Variants in SPOCK1 observed in about 807,000 individuals in gnomAD.
SPOCK1 encodes testican-1.
SPOCK1 carries 23 observed loss-of-function variants against 55.3 expected under a neutral mutation model. The observed-to-expected ratio is 0.42, with a 90% CI of 0.30 to 0.59. The LOEUF is 0.59. Among genes scored for constraint, SPOCK1 ranks in the 20% least tolerant of loss-of-function variants. The pLI, the probability that SPOCK1 is intolerant of heterozygous loss-of-function variation, is 0.22. For synonymous variants in SPOCK1, 226 were observed against 221.0 expected, an observed-to-expected ratio of 1.02 and a Z score of -0.20; for missense variants, 499 against 552.5, an observed-to-expected ratio of 0.90 and a Z score of 0.97.
chr5:137,293,787 C>T (rs1757423050), intron 2 of SPOCK1, among the ~76,000 whole-genome samples: 3 of 152,178 alleles, frequency 2.0e-5, no homozygotes, highest in East Asian at 1.9e-4. Flanking sequence ...GAGGCCGAGG[C>T]GGGTGGATCA....
At chr5:137,303,045 G>T (rs978092118) in intron 2 of SPOCK1, among the ~76,000 whole-genome samples, 1 of 152,186 alleles carries the variant, frequency 6.6e-6, no homozygotes, top group Non-Finnish European at 1.5e-5. Context: ...GTACTTGGCT[G>T]AGACACACAG....
At chr5:137,230,414 C>A (rs1756027924) in intron 3 of SPOCK1, among the ~76,000 whole-genome samples, 1 of 152,136 alleles carries the variant, frequency 6.6e-6, no homozygotes, top group African/African-American at 2.4e-5. Context: ...CCTGGGCTGT[C>A]TATTAAAAAG....
rs1208184921 is a variant in SPOCK1, at chr5:137,217,955, T to G, written c.232+49055A>C. ...TACCCAACCTTACCGCATCTATATT[T>G]CTACATAGGTATAGATGGTTAGAAG... On this transcript the variant is annotated intron_variant, in intron 3 of 10. Coordinates refer to ENST00000394945, the MANE Select transcript of SPOCK1 (RefSeq NM_004598.4). 7.4e-3 allele frequency among the ~76,000 whole-genome samples: 1,122 copies of G among 152,304 alleles called. 14 individuals are homozygous for G. Among genetic ancestry groups the G allele is most frequent in the African/African-American group, 0.025 (1,045 of 41,562 alleles).
chr5:137,136,040 A>G (rs1753977255), intron 4 of SPOCK1, among the ~76,000 whole-genome samples: 1 of 152,248 alleles, frequency 6.6e-6, no homozygotes, highest in Non-Finnish European at 1.5e-5. Flanking sequence ...ATTTTCACTC[A>G]GAGTGACTTG....
At chr5:137,480,013 C>T (rs1229309780) in intron 2 of SPOCK1, among the ~76,000 whole-genome samples, 1 of 152,106 alleles carries the variant, frequency 6.6e-6, no homozygotes, top group African/African-American at 2.4e-5. Flanking sequence ...CCTCAAGCCA[C>T]AAGTCAAGAC....
At chr5:137,457,122 A>G (rs1753383406) in intron 2 of SPOCK1, among the ~76,000 whole-genome samples, 1 of 152,212 alleles carries the variant, frequency 6.6e-6, no homozygotes, top group Non-Finnish European at 1.5e-5. Flanking sequence ...ACTAGCTAAG[A>G]TGAGGCTTCA....
chr5:137,328,676 T>A (rs563122167), intron 2 of SPOCK1, among the ~76,000 whole-genome samples: 1 of 152,268 alleles, frequency 6.6e-6, no homozygotes, highest in East Asian at 1.9e-4. Flanking sequence ...AAAACAATCC[T>A]AAGGAGCAGG....
intron 2 of SPOCK1, among the ~76,000 whole-genome samples, chr5:137,453,306 G>C (rs1249259253): frequency 2.6e-5 from 4 of 152,152 alleles, no homozygotes; most frequent in Non-Finnish European, 5.9e-5. Flanking sequence ...GTAAGAAGCT[G>C]CTTCATATAC....
intron 2 of SPOCK1, among the ~76,000 whole-genome samples, chr5:137,374,887 C>T (rs565301723): frequency 6.6e-6 from 1 of 152,074 alleles, no homozygotes; most frequent in Non-Finnish European, 1.5e-5. Flanking sequence ...GGCAATCCAA[C>T]TCCAGAAGCC....
At position 137,160,601 on chromosome 5, in the gene SPOCK1, A is replaced by ATATATTATATATTATATATAATATATAT. The variant is rs1561631763; in HGVS notation, c.233-19908_233-19907insATATATATTATATATAATATATAATATA. Among the ~76,000 whole-genome samples the ATATATTATATATTATATATAATATATAT allele has an allele frequency of 9.5e-5, 7 of 73,914 alleles. 1 individual carries two copies. Among genetic ancestry groups the ATATATTATATATTATATATAATATATAT allele is most frequent in the African/African-American group, 3.4e-4 (7 of 20,394 alleles). 48.5% of individuals were successfully genotyped at this position (73,914 alleles called of 152,430 possible). On this transcript the variant is annotated intron_variant, in intron 3 of 10. Coordinates refer to ENST00000394945, the MANE Select transcript of SPOCK1 (RefSeq NM_004598.4). Reference sequence around the variant, plus strand: ...TAATATATATAATATATAATATATTATATATAATATATAATATATATTTTA... The same window carrying ATATATTATATATTATATATAATATATAT: ...TAATATATATAATATATAATATATTATATATTATATATTATATATAATATATATTATATAATATATAATATATATTTTA...
At chr5:137,418,670 T>C (rs1031573712) in intron 2 of SPOCK1, among the ~76,000 whole-genome samples, 5 of 152,210 alleles carry the variant, frequency 3.3e-5, no homozygotes, top group African/African-American at 1.2e-4. Flanking sequence ...CTTATAAATT[T>C]GTTTGAGTTC....
intron 2 of SPOCK1, among the ~76,000 whole-genome samples, chr5:137,368,494 G>A (rs1751124365): frequency 6.6e-6 from 1 of 152,194 alleles, no homozygotes; most frequent in South Asian, 2.1e-4. Context: ...GATCCAGGTA[G>A]GGAGGAGGGC....
chr5:137,040,589 C>G (rs1751977425), intron 6 of SPOCK1, among the ~76,000 whole-genome samples: 1 of 152,238 alleles, frequency 6.6e-6, no homozygotes, highest in Non-Finnish European at 1.5e-5. Context: ...TCTGCACCAG[C>G]TGAAGCCTTA....
intron 4 of SPOCK1, among the ~76,000 whole-genome samples, chr5:137,117,190 A>G (rs1753603913): frequency 6.6e-6 from 1 of 152,292 alleles, no homozygotes; most frequent in East Asian, 1.9e-4. Flanking sequence ...ATTAAGTTCT[A>G]TCTCCAGCCA....
chr5:137,037,740 C>A (rs376626748), intron 6 of SPOCK1, among the ~76,000 whole-genome samples: 1 of 152,102 alleles, frequency 6.6e-6, no homozygotes, highest in Non-Finnish European at 1.5e-5. Flanking sequence ...CATAAATACG[C>A]GTTGGGAATA....
intron 2 of SPOCK1, among the ~76,000 whole-genome samples, chr5:137,290,486 A>C (rs2916641): frequency 6.6e-6 from 1 of 152,218 alleles, no homozygotes; most frequent in African/African-American, 2.4e-5. Flanking sequence ...TTAGGGGAGC[A>C]TGAGCGAGGC....
At chr5:137,235,059 C>G (rs1036833331) in intron 3 of SPOCK1, among the ~76,000 whole-genome samples, 3 of 152,224 alleles carry the variant, frequency 2.0e-5, no homozygotes, top group Admixed American at 6.5e-5. Flanking sequence ...TCTGCTCCTT[C>G]TAGTAGGCAG....
chr5:137,385,272 AAG>A (rs1751574985), intron 2 of SPOCK1, among the ~76,000 whole-genome samples: 1 of 152,086 alleles, frequency 6.6e-6, no homozygotes, highest in Non-Finnish European at 1.5e-5. Context: ...GGTACATATA[AAG>A]GTCCGTGGTC....
chr5:137,481,374 T>G (rs1447867861), intron 2 of SPOCK1, among the ~76,000 whole-genome samples: 2 of 152,202 alleles, frequency 1.3e-5, no homozygotes, highest in Admixed American at 6.5e-5. Flanking sequence ...CCTGGTACCA[T>G]GCCTAGCACA....
Sources: allele counts gnomAD v4.1 joint callset (sites outside exome capture counted in the v4.1 genomes callset), GRCh38; gene constraint gnomAD v4.1.1; transcripts MANE v1.5; gene names NCBI Gene and HGNC (gene_info 2026-07-23, HGNC 2026-07-21).